Variants in CNTN4 observed in about 807,000 individuals in gnomAD.
The protein encoded by CNTN4 is contactin-4.
Under a neutral mutation model 122.5 loss-of-function variants are expected in CNTN4, and 77 were observed. That is an observed-to-expected ratio of 0.63 (90% CI 0.52 to 0.76). The LOEUF is 0.76. Ranked by LOEUF, CNTN4 falls within the 30% of genes least tolerant of loss-of-function variation. The pLI is 0.00. For synonymous variants in CNTN4, 512 were observed against 447.0 expected (o/e 1.15, Z -1.83); for missense variants, 1,256 against 1,259.1 (o/e 1.00, Z 0.04).
intron 2 of CNTN4, among the ~76,000 whole-genome samples, chr3:2,138,048 C>G (rs970362517): frequency 5.3e-5 from 8 of 151,872 alleles, no homozygotes; most frequent in Admixed American, 1.3e-4. Flanking sequence ...GTGATCACCT[C>G]CCAATATTCT....
chr3:2,561,088 G>C (rs1257321451), intron 3 of CNTN4, among the ~76,000 whole-genome samples: 1 of 152,160 alleles, frequency 6.6e-6, no homozygotes, highest in Non-Finnish European at 1.5e-5. Flanking sequence ...GTGTATCCAA[G>C]TAAAAGCCCT....
intron 3 of CNTN4, among the ~76,000 whole-genome samples, chr3:2,558,021 T>C (rs1435639839): frequency 6.6e-6 from 1 of 152,154 alleles, no homozygotes; most frequent in African/African-American, 2.4e-5. Context: ...TATGTACATA[T>C]CTTTCAAGGA....
chr3:2,580,053 GTGTGTGTATGTACATACA>G (rs979644517), intron 4 of CNTN4, among the ~76,000 whole-genome samples: 6 of 152,138 alleles, frequency 3.9e-5, no homozygotes, highest in Admixed American at 2.6e-4. Flanking sequence ...GTGTGTGTGT[GTGTGTGTATGTACATACA>G]TGTGTATGTA....
chr3:2,115,830 TA>T (rs1478386801), intron 2 of CNTN4, among the ~76,000 whole-genome samples: 2 of 152,216 alleles, frequency 1.3e-5, no homozygotes, highest in Non-Finnish European at 2.9e-5. Context: ...GATCAACACC[TA>T]AAAAGTCCTT....
chr3:2,895,404 C>G (rs2094096702), intron 10 of CNTN4, among the ~76,000 whole-genome samples: 1 of 152,234 alleles, frequency 6.6e-6, no homozygotes. Context: ...ATACAGATTA[C>G]TTCCTACAGT....
chr3:2,966,089 G>T (rs1692280131), intron 13 of CNTN4, among the ~76,000 whole-genome samples: 1 of 152,122 alleles, frequency 6.6e-6, no homozygotes, highest in African/African-American at 2.4e-5. Context: ...ACTACCATAG[G>T]TAGTGAGCAC....
At chr3:2,298,127 GA>G (rs1255789961) in intron 2 of CNTN4, among the ~76,000 whole-genome samples, 1 of 152,158 alleles carries the variant, frequency 6.6e-6, no homozygotes, top group Non-Finnish European at 1.5e-5. Flanking sequence ...CAATTAGGTT[GA>G]TAAATGAAGG....
At chr3:2,860,924 T>G (rs2093664686) in intron 7 of CNTN4, among the ~76,000 whole-genome samples, 1 of 152,198 alleles carries the variant, frequency 6.6e-6, no homozygotes, top group African/African-American at 2.4e-5. Context: ...TTGCAGTTCC[T>G]GGTATAATTC....
intron 12 of CNTN4, among the ~76,000 whole-genome samples, chr3:2,925,373 G>C (rs1026504832): frequency 1.3e-5 from 2 of 152,074 alleles, no homozygotes; most frequent in Non-Finnish European, 2.9e-5. Flanking sequence ...GGCCAACATG[G>C]TGAAACGCCA....
chr3:2,178,629 T>C (rs947660643), intron 2 of CNTN4, among the ~76,000 whole-genome samples: 1 of 152,136 alleles, frequency 6.6e-6, no homozygotes, highest in Non-Finnish European at 1.5e-5. Flanking sequence ...TGTTCCATGT[T>C]AACTTAATGC....
intron 2 of CNTN4, among the ~76,000 whole-genome samples, chr3:2,288,265 C>T (rs543035857): frequency 6.6e-6 from 1 of 152,078 alleles, no homozygotes; most frequent in Non-Finnish European, 1.5e-5. Flanking sequence ...GGTGCTGGCA[C>T]CTGCTTCTGG....
Position 3,056,502 on chromosome 3 carries a change from A to G in CNTN4, c.*282A>G, listed in dbSNP as rs1701810313. The G allele has an allele frequency of 4.9e-6, 1 of 204,682 alleles. No individual in the cohort carries two copies. The highest frequency in any genetic ancestry group is 1.2e-4 in the South Asian group (1 of 8,226). The allele number at this position is 204,682 out of a possible 1,614,324, so 12.7% of individuals were successfully genotyped here. On this transcript the variant is annotated 3_prime_UTR_variant, in exon 25 of 25. Coordinates refer to ENST00000418658, the MANE Select transcript of CNTN4 (RefSeq NM_175607.3). The stretch of plus-strand genomic sequence containing the variant: ...TCCTTATATGCATATTTTTTATTAT[A>G]TATTTAGTGTTTTATAGAATTTTTT...
intron 8 of CNTN4, among the ~76,000 whole-genome samples, chr3:2,880,176 TAA>T (rs1443365110): frequency 6.6e-6 from 1 of 152,232 alleles, no homozygotes; most frequent in Non-Finnish European, 1.5e-5. Context: ...ATGATCAGAT[TAA>T]ATAAACACAA....
intron 3 of CNTN4, among the ~76,000 whole-genome samples, chr3:2,533,539 T>G (rs2077681031): frequency 6.6e-6 from 1 of 152,190 alleles, no homozygotes; most frequent in African/African-American, 2.4e-5. Flanking sequence ...CTATCATTGA[T>G]GGACATTTGG....
intron 6 of CNTN4, among the ~76,000 whole-genome samples, chr3:2,782,644 G>A (rs535165066): frequency 6.6e-4 from 101 of 152,222 alleles, no homozygotes; most frequent in Non-Finnish European, 1.3e-3. Context: ...GCGAACAGGA[G>A]ACCAGGTGTC....
chr3:2,986,745 C>T (rs2052225), intron 13 of CNTN4, among the ~76,000 whole-genome samples: 11,884 of 152,168 alleles, frequency 0.078, 851 homozygotes, highest in African/African-American at 0.2. Context: ...ATTCCTACAA[C>T]GTATTACCGA....
chr3:2,589,745 G>A (rs1332905794), intron 4 of CNTN4, among the ~76,000 whole-genome samples: 4 of 152,182 alleles, frequency 2.6e-5, no homozygotes, highest in African/African-American at 9.7e-5. Flanking sequence ...TTTCAAGTTG[G>A]CTCAGTCACA....
intron 4 of CNTN4, among the ~76,000 whole-genome samples, chr3:2,688,573 A>T (rs1443744361): frequency 1.3e-5 from 2 of 152,216 alleles, no homozygotes; most frequent in African/African-American, 4.8e-5. Context: ...CTGTTATTGG[A>T]CAAGGCCCGT....
chr3:2,960,657 G>A (rs1371706500), intron 13 of CNTN4, among the ~76,000 whole-genome samples: 2 of 152,170 alleles, frequency 1.3e-5, no homozygotes, highest in Non-Finnish European at 2.9e-5. Context: ...AAACGGTGTT[G>A]AAGAGAGACA....
Sources: gnomAD v4.1 joint callset for allele counts (sites outside exome capture counted in the v4.1 genomes callset) on GRCh38, gnomAD v4.1.1 for gene constraint, MANE v1.5 for transcripts, NCBI Gene and HGNC (gene_info 2026-07-23, HGNC 2026-07-21) for gene names.